Variants in HTT observed in about 807,000 individuals in gnomAD.
HTT encodes huntington disease protein.
In HTT, 104 loss-of-function variants were observed where a neutral mutation model predicts 362.3. The observed-to-expected ratio is 0.29, with a 90% CI of 0.24 to 0.34. HTT has a LOEUF of 0.34. Among genes scored for constraint, HTT ranks in the 10% least tolerant of loss-of-function variants. HTT has a pLI of 1.00. For missense variants in HTT, 3,301 were observed against 3,928.6 expected (o/e 0.84, Z 4.27); for synonymous variants, 1,577 against 1,548.7 (o/e 1.02, Z -0.43).
intron 49 of HTT, among the ~76,000 whole-genome samples, chr4:3,213,392 T>C (rs546244263): frequency 6.6e-6 from 1 of 152,392 alleles, no homozygotes; most frequent in African/African-American, 2.4e-5. Context: ...GATTATATTA[T>C]GTGCCTGCTG....
rs575684705 is a variant in HTT at position 3,219,293 on chromosome 4, T to C, written c.7243-889T>C. On this transcript the variant is annotated intron_variant, in intron 52 of 66. Coordinates refer to ENST00000355072, the MANE Select transcript of HTT (RefSeq NM_001388492.1). ...CCTTTGGAGGGGCTCGTGGAGACCA[T>C]GCAGGAGGGCACGGTCTTGAGGTCA... 1.2e-3 allele frequency among the ~76,000 whole-genome samples: 182 copies of C among 152,202 alleles called. 1 individual carries two copies. The highest frequency in any genetic ancestry group is 2.2e-3 in the Non-Finnish European group (152 of 67,992).
chr4:3,115,260 A>G (rs367603409), intron 6 of HTT, 44 bp from the exon 7 acceptor site: 1 of 1,585,986 alleles, frequency 6.3e-7, no homozygotes, highest in Non-Finnish European at 8.6e-7. Flanking sequence ...GATAAGCTTC[A>G]TAGGAGCTTC....
At chr4:3,225,597 A>T in intron 56 of HTT, 64 bp from the exon 57 acceptor site, 1 of 1,446,782 alleles carries the variant, frequency 6.9e-7, no homozygotes, top group Non-Finnish European at 9.6e-7. Context: ...CTGGGCTGGT[A>T]TGGGGTGGGC....
intron 2 of HTT, among the ~76,000 whole-genome samples, chr4:3,098,458 G>C (rs1360876851): frequency 6.6e-6 from 1 of 152,078 alleles, no homozygotes; most frequent in Non-Finnish European, 1.5e-5. Context: ...CGTATTACTG[G>C]GATTTGCTAT....
intron 53 of HTT, among the ~76,000 whole-genome samples, chr4:3,220,914 C>T (rs1720641421): frequency 6.6e-6 from 1 of 152,182 alleles, no homozygotes; most frequent in South Asian, 2.1e-4. Context: ...GTGTCTATTT[C>T]ATAGAATTGT....
At chr4:3,198,120 G>A (rs1719351065) in intron 40 of HTT, among the ~76,000 whole-genome samples, 1 of 151,584 alleles carries the variant, frequency 6.6e-6, no homozygotes, top group South Asian at 2.1e-4. Context: ...TCGCTTCCTT[G>A]GTCTCAGGTT....
intron 26 of HTT, among the ~76,000 whole-genome samples, chr4:3,150,174 C>T (rs1716806708): frequency 6.6e-6 from 1 of 152,166 alleles, no homozygotes; most frequent in African/African-American, 2.4e-5. Context: ...TAGAGAGTGG[C>T]AGAATTTTCT....
rs1720069491 is a variant in HTT, at chr4:3,209,954, G to A, written c.6414+5G>A. ...AATGCCTTCATGATGAACTCGGTAC[G>A]GGGGGAGCAGTGGAGGCAAGGAATC... is the stretch of plus-strand genomic sequence containing the variant. On this transcript the variant is annotated splice_donor_5th_base_variant and intron_variant, in intron 47 of 66. Transcript: ENST00000355072. 1 of 1,612,798 alleles carries A rather than the reference G, an allele frequency of 6.2e-7. No individual in the cohort carries two copies. Among genetic ancestry groups the A allele is most frequent in the Non-Finnish European group, 8.5e-7 (1 of 1,179,224 alleles).
At chr4:3,114,550 A>G (rs1029020653) in intron 6 of HTT, among the ~76,000 whole-genome samples, 1 of 152,262 alleles carries the variant, frequency 6.6e-6, no homozygotes, top group African/African-American at 2.4e-5. Flanking sequence ...GCTCTGACAG[A>G]GTCCCCGACT....
At chr4:3,184,624 G>C (rs1397449259) in intron 37 of HTT, among the ~76,000 whole-genome samples, 4 of 152,118 alleles carry the variant, frequency 2.6e-5, no homozygotes, top group South Asian at 4.1e-4. Flanking sequence ...GTGAGGACAG[G>C]GTGGCTGTGG....
intron 29 of HTT, among the ~76,000 whole-genome samples, chr4:3,163,155 A>G (rs988413282): frequency 3.3e-5 from 5 of 152,170 alleles, no homozygotes; most frequent in African/African-American, 1.2e-4. Flanking sequence ...AATTTTGTCA[A>G]AGGCCTTTTC....
At chr4:3,224,621 A>C (rs894184047) in intron 56 of HTT, among the ~76,000 whole-genome samples, 11 of 152,166 alleles carry the variant, frequency 7.2e-5, no homozygotes, top group Non-Finnish European at 1.6e-4. Flanking sequence ...GCCCTATCAC[A>C]GGCATCGGAG....
intron 33 of HTT, among the ~76,000 whole-genome samples, chr4:3,175,504 C>G (rs1718197158): frequency 1.3e-5 from 2 of 152,224 alleles, no homozygotes; most frequent in African/African-American, 4.8e-5. Flanking sequence ...AATTGATCAT[C>G]TGCAGTTTCA....
At chr4:3,194,025 T>A (rs1354432165) in intron 40 of HTT, among the ~76,000 whole-genome samples, 2 of 152,224 alleles carry the variant, frequency 1.3e-5, no homozygotes, top group Non-Finnish European at 2.9e-5. Flanking sequence ...ATTACTGTAT[T>A]TGATTGGTTT....
chr4:3,191,590 A>T (rs1271777937), intron 40 of HTT, among the ~76,000 whole-genome samples: 1 of 152,226 alleles, frequency 6.6e-6, no homozygotes, highest in African/African-American at 2.4e-5. Flanking sequence ...AGGAAAACTA[A>T]CCAAGTTAAT....
Position 3,218,124 on chromosome 4 carries a change from G to A in HTT, c.7242+172G>A, listed in dbSNP as rs74964248. Among the ~76,000 whole-genome samples the A allele has an allele frequency of 3.3e-5, 5 of 152,352 alleles. No homozygotes were observed. Among genetic ancestry groups the A allele is most frequent in the African/African-American group, 1.2e-4 (5 of 41,590 alleles). On this transcript the variant is annotated intron_variant, in intron 52 of 66. Transcript: ENST00000355072. The surrounding 1 kb of genome is among the most constrained non-coding windows in gnomAD (Gnocchi z 4.4). ...CCAGGCTGCTTTCCTCAGGCACCACGTGTGGAGGTCGCTAGTAGAAATACT... is the reference window on the plus strand; with the variant it reads ...CCAGGCTGCTTTCCTCAGGCACCACATGTGGAGGTCGCTAGTAGAAATACT...
rs1715882689 is a variant in HTT at position 3,132,721 on chromosome 4, G to GT, written c.2395+2dup. On this transcript the variant is annotated splice_donor_variant, in intron 17 of 66. Transcript: ENST00000355072. LOFTEE classifies it high-confidence loss of function. ...ATGGGCACCATTAGAACCCTCACAG[G>GT]TAACGGCCAGTTTTTCAGCTGTGTT... The GT allele has an allele frequency of 1.9e-6, 3 of 1,614,120 alleles. No homozygotes were observed. The East Asian group carries it at 6.7e-5, about 36-fold the overall frequency.
At chr4:3,197,478 C>T (rs1222995808) in intron 40 of HTT, among the ~76,000 whole-genome samples, 1 of 152,074 alleles carries the variant, frequency 6.6e-6, no homozygotes, top group Non-Finnish European at 1.5e-5. Context: ...TTACCTCCTC[C>T]TCTCTATCTA....
rs528021759 is a variant in HTT at position 3,104,184 on chromosome 4, G to A, written c.528+301G>A. Reference sequence around the variant, plus strand: ...ATGACCTTGGCTCACTGCAACCTCCGCCTCCCGGGTTCAACCGAACTTTGG... The same window carrying A: ...ATGACCTTGGCTCACTGCAACCTCCACCTCCCGGGTTCAACCGAACTTTGG... On this transcript the variant is annotated intron_variant, in intron 4 of 66. Coordinates refer to ENST00000355072, the MANE Select transcript of HTT (RefSeq NM_001388492.1). Among the ~76,000 whole-genome samples, 8 of 151,996 alleles carry A rather than the reference G, an allele frequency of 5.3e-5. No individual in the cohort carries two copies. In the South Asian group the frequency reaches 8.3e-4, roughly 16 times the overall value.
Sources: allele counts gnomAD v4.1 joint callset (sites outside exome capture counted in the v4.1 genomes callset), GRCh38; gene constraint gnomAD v4.1.1; non-coding constraint Gnocchi (gnomAD v3.1); transcripts MANE v1.5; gene names NCBI Gene and HGNC (gene_info 2026-07-23, HGNC 2026-07-21).